Variants in CBLB observed in about 807,000 individuals in gnomAD.
CBLB encodes E3 ubiquitin-protein ligase CBL-B.
CBLB carries 31 observed loss-of-function variants against 104.9 expected under a neutral mutation model. The ratio of observed to expected loss-of-function variants is 0.30; its 90% confidence interval spans 0.22 to 0.40. CBLB has a LOEUF of 0.40. Ranked by LOEUF, CBLB falls within the 10% of genes least tolerant of loss-of-function variation. CBLB has a pLI of 1.00. For missense variants in CBLB, 1,062 were observed against 1,214.6 expected (o/e 0.87, Z 1.87); for synonymous variants, 440 against 422.6 (o/e 1.04, Z -0.51).
At chr3:105,776,652 T>A (rs2079511519) in intron 3 of CBLB, 110 bp from the exon 4 acceptor site, 3 of 1,030,332 alleles carry the variant, frequency 2.9e-6, no homozygotes. Context: ...TATCAACGTA[T>A]GTCTTGGTGG....
intron 18 of CBLB, among the ~76,000 whole-genome samples, chr3:105,667,336 G>C (rs1050262634): frequency 5.9e-5 from 9 of 152,060 alleles, no homozygotes; most frequent in African/African-American, 2.2e-4. Flanking sequence ...TCAAACTGTA[G>C]TACAATATGT....
intron 3 of CBLB, among the ~76,000 whole-genome samples, chr3:105,809,121 G>A (rs182825295): frequency 7.2e-5 from 11 of 152,222 alleles, no homozygotes; most frequent in Admixed American, 2.0e-4. Flanking sequence ...CCAATGCAAC[G>A]GAGAAACAGA....
Position 105,753,094 on chromosome 3 carries a change from C to A in CBLB, c.567-1476G>T, listed in dbSNP as rs564048074. On this transcript the variant is annotated intron_variant, in intron 4 of 18. Coordinates refer to ENST00000394030, the MANE Select transcript of CBLB (RefSeq NM_170662.5). Reference sequence around the variant, plus strand: ...CAATGCTAGCTGGGTGATGGATACACAGCAAGGGCTGGAGGGATTCCAGAG... The same window carrying A: ...CAATGCTAGCTGGGTGATGGATACAAAGCAAGGGCTGGAGGGATTCCAGAG... Among the ~76,000 whole-genome samples the A allele has an allele frequency of 3.3e-5, 5 of 152,240 alleles. No individual in the cohort carries two copies. In the South Asian group the frequency reaches 1.0e-3, roughly 32 times the overall value.
intron 3 of CBLB, among the ~76,000 whole-genome samples, chr3:105,820,075 A>G (rs2085620134): frequency 6.6e-6 from 1 of 152,168 alleles, no homozygotes; most frequent in Non-Finnish European, 1.5e-5. Flanking sequence ...TGTTTTCCTG[A>G]AACTAGATGG....
rs2063479294 is a variant in CBLB at position 105,658,330 on chromosome 3, T to G, written c.*640A>C. ...CAAATAAATGCTTTATACATTCAGG[T>G]TTTTCCCATCTCTCAATAGTGATGG... On this transcript the variant is annotated 3_prime_UTR_variant, in exon 19 of 19. Coordinates refer to ENST00000394030, the MANE Select transcript of CBLB (RefSeq NM_170662.5). The G allele has an allele frequency of 4.5e-6, 1 of 222,060 alleles. No individual in the cohort carries two copies. The highest frequency in any genetic ancestry group is 9.0e-6 in the Non-Finnish European group (1 of 110,784). The allele number at this position is 222,060 out of a possible 1,614,324, so 13.8% of individuals were successfully genotyped here. A position where few individuals can be genotyped will look rare whatever the true frequency, so the allele number is the denominator to read the frequency against.
At chr3:105,768,213 T>C (rs116510740) in intron 4 of CBLB, among the ~76,000 whole-genome samples, 3,025 of 152,320 alleles carry the variant, frequency 0.02, 41 homozygotes, top group Non-Finnish European at 0.029. Context: ...AGCCAGAGCT[T>C]AGCGAAGTTT....
At position 105,853,662 on chromosome 3, in the gene CBLB, T is replaced by C; in HGVS notation, c.171A>G (p.Val57=). The C allele has an allele frequency of 6.3e-7, 1 of 1,593,188 alleles. No homozygotes were observed. The highest frequency in any genetic ancestry group is 8.6e-7 in the Non-Finnish European group (1 of 1,166,370). The change falls in exon 3 of 19, where the codon GTA becomes GTG. Residue 57 remains valine (V), a splice_region_variant and synonymous_variant. Transcript: ENST00000394030. ...GAAGTTTGGGATTTTGGCACAGTCTTACCTAAAAACAAAGATAAAAATAAA... is the reference window on the plus strand; with the variant it reads ...GAAGTTTGGGATTTTGGCACAGTCTCACCTAAAAACAAAGATAAAAATAAA... ...EKTWKLMDKV[V]RLCQNPKLQL...
chr3:105,695,123 A>G (rs1486610426), intron 12 of CBLB, among the ~76,000 whole-genome samples: 1 of 151,882 alleles, frequency 6.6e-6, no homozygotes, highest in African/African-American at 2.4e-5. Context: ...CTTAATTCAT[A>G]TTACAAATAC....
At chr3:105,743,346 G>A (rs890320545) in intron 6 of CBLB, among the ~76,000 whole-genome samples, 3 of 151,808 alleles carry the variant, frequency 2.0e-5, no homozygotes, top group African/African-American at 7.3e-5. Flanking sequence ...TGTAGTCCCA[G>A]CTACTCAGGA....
chr3:105,784,785 T>G (rs1327634758), intron 3 of CBLB, among the ~76,000 whole-genome samples: 1 of 152,180 alleles, frequency 6.6e-6, no homozygotes, highest in Non-Finnish European at 1.5e-5. Flanking sequence ...TTGTCTTGTT[T>G]TTACTCAATA....
chr3:105,821,560 A>G (rs1047746093), intron 3 of CBLB, among the ~76,000 whole-genome samples: 17 of 152,192 alleles, frequency 1.1e-4, no homozygotes, highest in African/African-American at 4.1e-4. Flanking sequence ...GCAGGTAGAA[A>G]AAGAACCTGA....
intron 4 of CBLB, among the ~76,000 whole-genome samples, chr3:105,773,454 G>C (rs1298178844): frequency 6.6e-6 from 1 of 152,080 alleles, no homozygotes; most frequent in Admixed American, 6.6e-5. Flanking sequence ...GCACTGCTCA[G>C]GTGACCAGTG....
chr3:105,842,666 T>C (rs1451144854), intron 3 of CBLB, among the ~76,000 whole-genome samples: 1 of 152,174 alleles, frequency 6.6e-6, no homozygotes, highest in African/African-American at 2.4e-5. Context: ...CAGACACGTG[T>C]GGAGTTGCCC....
intron 4 of CBLB, among the ~76,000 whole-genome samples, chr3:105,770,379 C>T (rs192673391): frequency 6.6e-6 from 1 of 152,260 alleles, no homozygotes; most frequent in African/African-American, 2.4e-5. Flanking sequence ...AGCCCTTCAC[C>T]CTTCCAATAG....
chr3:105,750,887 T>G (rs1033440979), intron 5 of CBLB, among the ~76,000 whole-genome samples: 14 of 152,164 alleles, frequency 9.2e-5, no homozygotes, highest in African/African-American at 3.4e-4. Context: ...ACATACTATT[T>G]TGAATGAATA....
intron 3 of CBLB, among the ~76,000 whole-genome samples, chr3:105,843,806 T>C (rs1383869735): frequency 6.6e-6 from 1 of 152,146 alleles, no homozygotes; most frequent in Non-Finnish European, 1.5e-5. Flanking sequence ...TATATTCTAT[T>C]AATCCAAGTT....
chr3:105,681,330 G>C (rs1247190100), intron 16 of CBLB, 149 bp downstream of exon 16: 1 of 706,368 alleles, frequency 1.4e-6, no homozygotes, highest in African/African-American at 1.8e-5. Context: ...TCGTGAACTT[G>C]GGAGTCACCG....
chr3:105,732,269 C>T (rs925432064), intron 9 of CBLB, among the ~76,000 whole-genome samples: 3 of 152,102 alleles, frequency 2.0e-5, no homozygotes, highest in African/African-American at 7.2e-5. Flanking sequence ...TGTCTTCTAC[C>T]AACATATCTA....
chr3:105,837,787 C>G (rs183443968), intron 3 of CBLB, among the ~76,000 whole-genome samples: 1 of 152,138 alleles, frequency 6.6e-6, no homozygotes, highest in East Asian at 1.9e-4. Flanking sequence ...CTTCTAAAAT[C>G]GCCAGTACTC....
Sources: allele counts gnomAD v4.1 joint callset (sites outside exome capture counted in the v4.1 genomes callset), GRCh38; gene constraint gnomAD v4.1.1; transcripts MANE v1.5; gene names NCBI Gene and HGNC (gene_info 2026-07-23, HGNC 2026-07-21).